KIAA0319L: variants seen among roughly 807,000 people sequenced by gnomAD.
KIAA0319L encodes the protein dyslexia-associated protein KIAA0319-like protein.
Under a neutral mutation model 120.1 loss-of-function variants are expected in KIAA0319L, and 55 were observed. The observed-to-expected ratio is 0.46, with a 90% CI of 0.37 to 0.57. KIAA0319L has a LOEUF of 0.57. Ranked by LOEUF, KIAA0319L falls within the 20% of genes least tolerant of loss-of-function variation. The pLI, the probability that KIAA0319L is intolerant of heterozygous loss-of-function variation, is 0.00. For missense variants in KIAA0319L, 1,049 were observed against 1,255.3 expected, an observed-to-expected ratio of 0.84 and a Z score of 2.48; for synonymous variants, 398 against 471.9, an observed-to-expected ratio of 0.84 and a Z score of 2.03.
chr1:35,479,494 C>T (rs1644053836), intron 3 of KIAA0319L, among the ~76,000 whole-genome samples: 1 of 152,180 alleles, frequency 6.6e-6, no homozygotes, highest in African/African-American at 2.4e-5. Flanking sequence ...ACCCTGTTAA[C>T]ATTTCTATTC....
In KIAA0319L at chr1:35,456,080, T is replaced by A. The variant is rs1244696319; in HGVS notation, c.1589A>T (p.Asp530Val). 7 of 1,614,104 alleles carry A rather than the reference T, an allele frequency of 4.3e-6. No individual in the cohort carries two copies. The highest frequency in any genetic ancestry group is 4.2e-6 in the Non-Finnish European group (5 of 1,180,010). The change falls in exon 10 of 21, where the codon GAT (aspartate) becomes GTT (valine). Residue 530 changes from aspartate (D) to valine (V), a missense_variant. By Grantham distance (152) the Asp-to-Val change is radical. Transcript: ENST00000325722. ...ITLFGNQSTDDHGITSYEWSL... is the reference protein window; with the variant it reads ...ITLFGNQSTDVHGITSYEWSL... ...CCACTCATAGCTGGTGATGCCATGATCATCAGTGCTCTGGTTCCCAAAGAG... is the reference window on the plus strand; with the variant it reads ...CCACTCATAGCTGGTGATGCCATGAACATCAGTGCTCTGGTTCCCAAAGAG...
chr1:35,466,534 C>A, intron 7 of KIAA0319L, 74 bp downstream of exon 7: 2 of 1,008,522 alleles, frequency 2.0e-6, no homozygotes, highest in Non-Finnish European at 3.0e-6. Flanking sequence ...ATCAAAAACC[C>A]CAAATCAAAT....
In KIAA0319L at chr1:35,434,589, C is replaced by A; in HGVS notation, c.*305G>T. 1 of 357,906 alleles carries A rather than the reference C, an allele frequency of 2.8e-6. No individual in the cohort carries two copies. 22.2% of individuals were successfully genotyped at this position (357,906 alleles called of 1,614,324 possible). A position where few individuals can be genotyped will look rare whatever the true frequency, so the allele number is the denominator to read the frequency against. ...AATGACACTGTCCACTGGGGAGCTG[C>A]AGAGCTTAGCAGCTGGCTGGGTCTG... On this transcript the variant is annotated 3_prime_UTR_variant, in exon 21 of 21. Transcript: ENST00000325722.
In KIAA0319L at chr1:35,527,752, T is replaced by G. The variant is rs1423839531; in HGVS notation, c.143-20617A>C. Among the ~76,000 whole-genome samples, 6 of 152,236 alleles carry G rather than the reference T, an allele frequency of 3.9e-5. No homozygotes were observed. The East Asian group carries it at 1.2e-3, about 29-fold the overall frequency. On this transcript the variant is annotated intron_variant, in intron 2 of 20. Transcript: ENST00000325722. ...ATCAGTTGTAAGGTCTCCTTTTCAT[T>G]CCTGCTTTTGGCTCTTCTTTTTTTC... is the stretch of plus-strand genomic sequence containing the variant.
intron 3 of KIAA0319L, among the ~76,000 whole-genome samples, chr1:35,494,878 G>A (rs962494701): frequency 1.3e-5 from 2 of 152,094 alleles, no homozygotes; most frequent in Admixed American, 1.3e-4. Flanking sequence ...AGATAAATGG[G>A]ACCAAACAGT....
chr1:35,442,403 CCAGCTTGG>C, intron 18 of KIAA0319L, 67 bp from the exon 19 acceptor site: 1 of 1,234,024 alleles, frequency 8.1e-7, no homozygotes, highest in African/African-American at 1.5e-5. Flanking sequence ...TGGGCTGCTC[CCAGCTTGG>C]GCAGGTGTGG....
intron 3 of KIAA0319L, among the ~76,000 whole-genome samples, chr1:35,486,960 T>C (rs1644412843): frequency 6.6e-6 from 1 of 152,170 alleles, no homozygotes; most frequent in Non-Finnish European, 1.5e-5. Flanking sequence ...ATACATATGA[T>C]AGCTACTTTG....
rs980101677 is a variant in KIAA0319L, at chr1:35,433,765, C to T, written c.*1129G>A. The T allele has an allele frequency of 6.6e-6, 1 of 152,456 alleles. No homozygotes were observed. The highest frequency in any genetic ancestry group is 2.4e-5 in the African/African-American group (1 of 41,432). The allele number at this position is 152,456 out of a possible 1,614,324, so 9.4% of individuals were successfully genotyped here. A position where few individuals can be genotyped will look rare whatever the true frequency, so the allele number is the denominator to read the frequency against. On this transcript the variant is annotated 3_prime_UTR_variant, in exon 21 of 21. Coordinates refer to ENST00000325722, the MANE Select transcript of KIAA0319L (RefSeq NM_024874.5). ...CTAACACGCACACATGCAAGGGACA[C>T]AGAACACATACAGATGGAGGGACAG...
At chr1:35,492,091 C>T (rs963310184) in intron 3 of KIAA0319L, among the ~76,000 whole-genome samples, 2 of 152,152 alleles carry the variant, frequency 1.3e-5, no homozygotes, top group African/African-American at 2.4e-5. Flanking sequence ...AATACCAATT[C>T]TACACAAACC....
At chr1:35,486,208 C>T (rs189434379) in intron 3 of KIAA0319L, among the ~76,000 whole-genome samples, 216 of 151,876 alleles carry the variant, frequency 1.4e-3, no homozygotes, top group African/African-American at 4.9e-3. Flanking sequence ...CATAGTGAGA[C>T]CCCGTGTCTA....
At chr1:35,460,598 G>A (rs1267593866) in intron 8 of KIAA0319L, among the ~76,000 whole-genome samples, 161 bp from the exon 9 acceptor site, 2 of 152,278 alleles carry the variant, frequency 1.3e-5, no homozygotes, top group South Asian at 4.1e-4. Context: ...GGAATACTGG[G>A]TCATTCTGCC....
chr1:35,535,858 T>C (rs942755545), intron 2 of KIAA0319L, among the ~76,000 whole-genome samples: 2 of 152,198 alleles, frequency 1.3e-5, no homozygotes, highest in South Asian at 2.1e-4. Context: ...CCTCTTTAAG[T>C]GCTGGGGTTG....
rs1387743722 is a variant in KIAA0319L at position 35,450,527 on chromosome 1, A to G, written c.2063-18T>C. Reference sequence around the variant, plus strand: ...GTTTATTTCTAATCAAAAAGAAATCATTGACATAATGTGACATTCTGGAAA... The same window carrying G: ...GTTTATTTCTAATCAAAAAGAAATCGTTGACATAATGTGACATTCTGGAAA... On this transcript the variant is annotated intron_variant, in intron 13 of 20. Transcript: ENST00000325722. The G allele has an allele frequency of 6.3e-7, 1 of 1,597,504 alleles. No individual in the cohort carries two copies. The highest frequency in any genetic ancestry group is 1.1e-5 in the South Asian group (1 of 89,868).
chr1:35,530,553 T>C (rs926312798), intron 2 of KIAA0319L, among the ~76,000 whole-genome samples: 1 of 152,330 alleles, frequency 6.6e-6, no homozygotes, highest in Admixed American at 6.5e-5. Flanking sequence ...TTTAGTATCA[T>C]GATTTTGAAT....
At position 35,459,575 on chromosome 1, in the gene KIAA0319L, C is replaced by T. The variant is rs888892404; in HGVS notation, c.1427+730G>A. On this transcript the variant is annotated intron_variant, in intron 9 of 20. Coordinates refer to ENST00000325722, the MANE Select transcript of KIAA0319L (RefSeq NM_024874.5). ...TCACGCCACTGCACCCCAGCCTGGG[C>T]GACAGAGCAAGACTCTGTCTCAAAA... is the stretch of plus-strand genomic sequence containing the variant. 4.0e-5 allele frequency among the ~76,000 whole-genome samples: 6 copies of T among 149,588 alleles called. No individual in the cohort carries two copies. In the South Asian group the frequency reaches 6.3e-4, roughly 16 times the overall value.
chr1:35,538,596 A>G (rs1027604258), intron 2 of KIAA0319L, among the ~76,000 whole-genome samples: 2 of 150,680 alleles, frequency 1.3e-5, no homozygotes, highest in Admixed American at 6.6e-5. Context: ...GTCTCAAAAA[A>G]AAAAAAAAAA....
At chr1:35,457,949 T>C (rs1246993084) in intron 9 of KIAA0319L, among the ~76,000 whole-genome samples, 1 of 152,154 alleles carries the variant, frequency 6.6e-6, no homozygotes, top group Non-Finnish European at 1.5e-5. Context: ...TTTTGTTTTT[T>C]TTCTGAGACG....
At chr1:35,480,392 T>A (rs1233109207) in intron 3 of KIAA0319L, among the ~76,000 whole-genome samples, 1 of 152,220 alleles carries the variant, frequency 6.6e-6, no homozygotes, top group East Asian at 1.9e-4. Context: ...TTTGAAGAAG[T>A]AAGGCAATAG....
At position 35,474,850 on chromosome 1, in the gene KIAA0319L, T is replaced by C. The variant is rs1377727063; in HGVS notation, c.970A>G (p.Asn324Asp). Reference sequence around the variant, plus strand: ...ACATATGCATTTAATTGAACTTCATTCTTAGGCAGGGTTATCTGGACACTC... The same window carrying C: ...ACATATGCATTTAATTGAACTTCATCCTTAGGCAGGGTTATCTGGACACTC... ...GESVQITLPK[N>D]EVQLNAYVLQ... Residue 324 changes from asparagine to aspartate, a missense_variant, in exon 5 of 21, where the codon AAT becomes GAT. Transcript: ENST00000325722. 6.2e-7 allele frequency: 1 copy of C among 1,611,804 alleles called. No individual in the cohort carries two copies. Among genetic ancestry groups the C allele is most frequent in the East Asian group, 2.2e-5 (1 of 44,842 alleles).
Sources: gnomAD v4.1 joint callset for allele counts (sites outside exome capture counted in the v4.1 genomes callset) on GRCh38, gnomAD v4.1.1 for gene constraint, MANE v1.5 for transcripts, NCBI Gene and HGNC (gene_info 2026-07-23, HGNC 2026-07-21) for gene names.